The following CADM2 variants were observed in gnomAD, a reference collection of about 807,000 sequenced individuals.
CADM2 encodes the protein cell adhesion molecule 2.
In CADM2, 12 loss-of-function variants were observed where a neutral mutation model predicts 49.8. The ratio of observed to expected loss-of-function variants is 0.24; its 90% CI spans 0.15 to 0.39. The LOEUF (loss-of-function observed/expected upper bound fraction) is 0.39. CADM2 is among the 10% of genes least tolerant of loss of function. The pLI is 1.00. For missense variants in CADM2, 378 were observed against 492.3 expected, an observed-to-expected ratio of 0.77 and a Z score of 2.20; for synonymous variants, 214 against 175.4, an observed-to-expected ratio of 1.22 and a Z score of -1.74.
chr3:85,205,052 C>G (rs1209647498), intron 1 of CADM2, among the ~76,000 whole-genome samples: 4 of 145,040 alleles, frequency 2.8e-5, no homozygotes, highest in African/African-American at 5.1e-5. Flanking sequence ...GGATCTTACT[C>G]TGTCACCTAG....
At chr3:85,950,508 A>G (rs1320674113) in intron 7 of CADM2, among the ~76,000 whole-genome samples, 1 of 151,190 alleles carries the variant, frequency 6.6e-6, no homozygotes, top group Non-Finnish European at 1.5e-5. Flanking sequence ...AACTGTTAAA[A>G]TAATCATCAA....
At chr3:85,383,525 TATATATATATATA>T (rs2034027463) in intron 1 of CADM2, among the ~76,000 whole-genome samples, 1 of 142,924 alleles carries the variant, frequency 7.0e-6, no homozygotes, top group African/African-American at 2.6e-5. Context: ...TGTATATATA[TATATATATATATA>T]CATATATATA....
chr3:84,997,296 T>C (rs764142877), intron 1 of CADM2, among the ~76,000 whole-genome samples: 1 of 152,104 alleles, frequency 6.6e-6, no homozygotes, highest in Non-Finnish European at 1.5e-5. Flanking sequence ...AAGATTCACA[T>C]GATGCATTTT....
chr3:85,960,483 A>G (rs367555346), intron 7 of CADM2, among the ~76,000 whole-genome samples: 21 of 152,100 alleles, frequency 1.4e-4, no homozygotes, highest in African/African-American at 4.8e-4. Context: ...AGCATCAACT[A>G]TAGAGGAAGA....
chr3:85,439,330 T>C (rs1165645391), intron 1 of CADM2, among the ~76,000 whole-genome samples: 1 of 151,824 alleles, frequency 6.6e-6, no homozygotes. Flanking sequence ...ATTTTGTGTT[T>C]TTACTAGAGA....
chr3:85,368,829 A>G (rs1157909434), intron 1 of CADM2, among the ~76,000 whole-genome samples: 1 of 152,042 alleles, frequency 6.6e-6, no homozygotes, highest in African/African-American at 2.4e-5. Flanking sequence ...TTTAAACACA[A>G]CTAATTGTAC....
At chr3:85,083,841 C>T (rs762789380) in intron 1 of CADM2, among the ~76,000 whole-genome samples, 1 of 151,888 alleles carries the variant, frequency 6.6e-6, no homozygotes, top group Non-Finnish European at 1.5e-5. Flanking sequence ...TATAAAGAGC[C>T]ACAACATGTA....
intron 1 of CADM2, among the ~76,000 whole-genome samples, chr3:85,641,703 G>T (rs749739425): frequency 6.6e-6 from 1 of 151,718 alleles, no homozygotes; most frequent in Non-Finnish European, 1.5e-5. Context: ...GAGGCCGGCA[G>T]ATCACGAGGT....
At chr3:84,964,158 T>G (rs1267125060) in intron 1 of CADM2, among the ~76,000 whole-genome samples, 1 of 152,206 alleles carries the variant, frequency 6.6e-6, no homozygotes, top group South Asian at 2.1e-4. Flanking sequence ...TGTCCTTCAT[T>G]AGAAGATAAG....
chr3:85,292,050 T>C (rs13064904), intron 1 of CADM2, among the ~76,000 whole-genome samples: 48,478 of 150,278 alleles, frequency 0.32, 10,157 homozygotes, highest in Non-Finnish European at 0.47. Flanking sequence ...ACCCATCTCA[T>C]GTGCAGAGAC....
chr3:85,692,134 A>T (rs1050148691), intron 1 of CADM2, among the ~76,000 whole-genome samples: 1 of 151,994 alleles, frequency 6.6e-6, no homozygotes, highest in East Asian at 1.9e-4. Context: ...ATTAAAAAAT[A>T]AAATTAAATT....
At chr3:85,232,072 ATCAGAT>A (rs1032210551) in intron 1 of CADM2, among the ~76,000 whole-genome samples, 4 of 151,710 alleles carry the variant, frequency 2.6e-5, no homozygotes, top group Non-Finnish European at 5.9e-5. Context: ...AGAACATCTA[ATCAGAT>A]TCTCAGTTCT....
At chr3:85,210,057 G>A (rs1453170522) in intron 1 of CADM2, among the ~76,000 whole-genome samples, 2 of 152,094 alleles carry the variant, frequency 1.3e-5, no homozygotes, top group South Asian at 2.1e-4. Flanking sequence ...AGTCTAGCAC[G>A]GATAAATTGC....
intron 8 of CADM2, among the ~76,000 whole-genome samples, chr3:86,024,178 A>G (rs1418694617): frequency 3.9e-5 from 6 of 152,146 alleles, no homozygotes; most frequent in Non-Finnish European, 8.8e-5. Context: ...CCTCCTTTAC[A>G]TTGCCTATTT....
chr3:85,468,423 G>A (rs1411302428), intron 1 of CADM2, among the ~76,000 whole-genome samples: 1 of 152,100 alleles, frequency 6.6e-6, no homozygotes, highest in Non-Finnish European at 1.5e-5. Context: ...TGCACTCTGA[G>A]CTGCTAGGAG....
At chr3:85,472,222 T>C (rs1158213176) in intron 1 of CADM2, among the ~76,000 whole-genome samples, 1 of 152,036 alleles carries the variant, frequency 6.6e-6, no homozygotes, top group East Asian at 1.9e-4. Flanking sequence ...ATTTTTAAAT[T>C]ATTTGTTGAT....
chr3:85,171,700 A>G (rs1020605847), intron 1 of CADM2, among the ~76,000 whole-genome samples: 1 of 152,206 alleles, frequency 6.6e-6, no homozygotes, highest in African/African-American at 2.4e-5. Flanking sequence ...TAGATTGAAA[A>G]TTAAATAATT....
intron 3 of CADM2, among the ~76,000 whole-genome samples, chr3:85,820,542 A>G (rs998264442): frequency 7.2e-5 from 11 of 152,168 alleles, no homozygotes; most frequent in African/African-American, 2.4e-4. Flanking sequence ...GAAGAGTGAA[A>G]GAGGAGTCAT....
chr3:85,355,012 G>A (rs1193198832), intron 1 of CADM2, among the ~76,000 whole-genome samples: 1 of 152,072 alleles, frequency 6.6e-6, no homozygotes, highest in East Asian at 1.9e-4. Context: ...CTAATGTCAA[G>A]CTTGGGTCGA....
Sources: gnomAD v4.1 joint callset for allele counts (sites outside exome capture counted in the v4.1 genomes callset) on GRCh38, gnomAD v4.1.1 for gene constraint, MANE v1.5 for transcripts, NCBI Gene and HGNC (gene_info 2026-07-23, HGNC 2026-07-21) for gene names.